The following RBM20 variants were observed in gnomAD, a reference collection of about 807,000 sequenced individuals.
RBM20 encodes the protein RNA-binding protein 20.
Under a neutral mutation model 110.1 loss-of-function variants are expected in RBM20, and 51 were observed. The ratio of observed to expected loss-of-function variants is 0.46; its 90% CI spans 0.37 to 0.59. RBM20 has a LOEUF of 0.59. Ranked by LOEUF, RBM20 falls within the 20% of genes least tolerant of loss-of-function variation. RBM20 has a pLI of 0.00. For missense variants in RBM20, 1,512 were observed against 1,574.9 expected, an observed-to-expected ratio of 0.96 and a Z score of 0.68; for synonymous variants, 589 against 618.2, an observed-to-expected ratio of 0.95 and a Z score of 0.70.
intron 7 of RBM20, among the ~76,000 whole-genome samples, chr10:110,807,526 C>G (rs7899485): frequency 0.41 from 62,445 of 152,086 alleles, 12,886 homozygotes; most frequent in Admixed American, 0.44. Context: ...TGATAACCAA[C>G]GTGCAGAAGG....
At chr10:110,784,145 T>G (rs1844389920) in intron 3 of RBM20, among the ~76,000 whole-genome samples, 196 bp from the exon 4 acceptor site, 1 of 152,266 alleles carries the variant, frequency 6.6e-6, no homozygotes, top group African/African-American at 2.4e-5. Flanking sequence ...CATTCATCTT[T>G]TGATGGACAT....
In RBM20 at chr10:110,781,572, C is replaced by T. The variant is rs1170831527; in HGVS notation, c.963C>T (p.Ser321=). ...AGGGCACAAACAGCCAATGGGAGAG[C>T]CCCCATGGATTCTCGGGCCAAAGCA... The part of the protein sequence containing the change: ...LLQGTNSQWE[S]PHGFSGQSKP... Residue 321 remains serine, a synonymous_variant, in exon 2 of 14, where the codon AGC becomes AGT. Transcript: ENST00000369519. 1 of 1,551,692 alleles carries T rather than the reference C, an allele frequency of 6.4e-7. No homozygotes were observed. The highest frequency in any genetic ancestry group is 2.4e-5 in the East Asian group (1 of 40,930).
intron 1 of RBM20, among the ~76,000 whole-genome samples, chr10:110,649,634 G>A (rs1215046552): frequency 2.6e-5 from 4 of 152,138 alleles, no homozygotes; most frequent in Non-Finnish European, 5.9e-5. Context: ...TTATTTAATT[G>A]GGGATGGTCT....
At chr10:110,782,220 C>A (rs1026550735) in intron 2 of RBM20, among the ~76,000 whole-genome samples, 1 of 152,168 alleles carries the variant, frequency 6.6e-6, no homozygotes, top group Admixed American at 6.5e-5. Flanking sequence ...GCTTCTCCCC[C>A]GTAGTATGCC....
chr10:110,651,015 A>G (rs1861938098), intron 1 of RBM20, among the ~76,000 whole-genome samples: 1 of 152,224 alleles, frequency 6.6e-6, no homozygotes, highest in Non-Finnish European at 1.5e-5. Context: ...CACAGAGGAA[A>G]AAACTCTGGA....
chr10:110,760,647 T>C (rs1843986209), intron 1 of RBM20, among the ~76,000 whole-genome samples: 1 of 150,434 alleles, frequency 6.6e-6, no homozygotes. Flanking sequence ...TTCAACATGT[T>C]GGTCAGACTG....
intron 7 of RBM20, among the ~76,000 whole-genome samples, chr10:110,804,847 A>T (rs1350805296): frequency 2.0e-5 from 3 of 152,202 alleles, no homozygotes; most frequent in African/African-American, 7.2e-5. Context: ...TCAGAGGGTC[A>T]TCAGGGGATT....
chr10:110,722,001 C>A (rs1843512505), intron 1 of RBM20, among the ~76,000 whole-genome samples: 1 of 152,106 alleles, frequency 6.6e-6, no homozygotes, highest in Non-Finnish European at 1.5e-5. Context: ...CCTGCTCCTT[C>A]TCCTTGTCTC....
In RBM20 at chr10:110,799,818, C is replaced by T; in HGVS notation, c.1700C>T (p.Ala567Val). 1 of 1,551,450 alleles carries T rather than the reference C, an allele frequency of 6.4e-7. No individual in the cohort carries two copies. Among genetic ancestry groups the T allele is most frequent in the Non-Finnish European group, 8.7e-7 (1 of 1,146,656 alleles). Residue 567 changes from alanine to valine, a missense_variant, in exon 7 of 14, where the codon GCA (alanine) becomes GTA (valine). Ala to Val is a moderately conservative substitution (Grantham distance 64). This residue lies in a region of RBM20 where 1,149 missense variants were observed against 1,169.4 expected (regional missense o/e 0.98). Coordinates refer to ENST00000369519, the MANE Select transcript of RBM20 (RefSeq NM_001134363.3). The part of the protein sequence containing the change: ...AFLEMAYTEA[A>V]QAMVQYYQEK... ...TTAGAGATGGCTTACACAGAAGCTG[C>T]ACAGGCCATGGTCCAGTATTATCAA...
intron 1 of RBM20, among the ~76,000 whole-genome samples, chr10:110,676,627 C>G (rs1053086772): frequency 6.6e-6 from 1 of 152,178 alleles, no homozygotes; most frequent in African/African-American, 2.4e-5. Flanking sequence ...CTTTATATTA[C>G]TTCATTCACA....
chr10:110,789,476 G>C (rs376109861), intron 5 of RBM20, among the ~76,000 whole-genome samples: 1 of 146,558 alleles, frequency 6.8e-6, no homozygotes, highest in African/African-American at 2.5e-5. Flanking sequence ...TTTATTTATC[G>C]AGACAGGGTC....
At position 110,713,065 on chromosome 10, in the gene RBM20, T is replaced by C. The variant is rs548572463; in HGVS notation, c.192-67736T>C. On this transcript the variant is annotated intron_variant, in intron 1 of 13. Transcript: ENST00000369519. Reference sequence around the variant, plus strand: ...GTGATGCTTCTTTTGTTCTGTCCACTCCCTCAGTGCTTGCTCTATTCTCCC... The same window carrying C: ...GTGATGCTTCTTTTGTTCTGTCCACCCCCTCAGTGCTTGCTCTATTCTCCC... Among the ~76,000 whole-genome samples, 435 of 152,320 alleles carry C rather than the reference T, an allele frequency of 2.9e-3. 1 individual carries two copies. Among genetic ancestry groups the C allele is most frequent in the Non-Finnish European group, 3.6e-3 (242 of 68,016 alleles).
intron 1 of RBM20, among the ~76,000 whole-genome samples, chr10:110,657,147 G>C (rs574671260): frequency 4.3e-4 from 66 of 152,066 alleles, no homozygotes; most frequent in South Asian, 8.3e-4. Context: ...CTCCCAAGTA[G>C]CTGGGACTAC....
intron 1 of RBM20, among the ~76,000 whole-genome samples, chr10:110,678,776 T>C (rs1325880370): frequency 6.6e-6 from 1 of 152,144 alleles, no homozygotes; most frequent in Non-Finnish European, 1.5e-5. Context: ...GTAGATTCAC[T>C]TCATATCTAA....
chr10:110,835,417 C>T (rs778960391), intron 13 of RBM20: 1 of 151,412 alleles, frequency 6.6e-6, no homozygotes, highest in Non-Finnish European at 1.5e-5. Context: ...TTCACAGCAA[C>T]CTCCGCCTCC....
intron 5 of RBM20, among the ~76,000 whole-genome samples, chr10:110,785,798 C>T (rs1263786723): frequency 6.6e-6 from 1 of 151,150 alleles, no homozygotes; most frequent in Non-Finnish European, 1.5e-5. Context: ...GCATTCAGCG[C>T]TGGCTTAGAA....
intron 1 of RBM20, among the ~76,000 whole-genome samples, chr10:110,702,223 A>G (rs1009520365): frequency 1.3e-5 from 2 of 152,176 alleles, no homozygotes; most frequent in African/African-American, 4.8e-5. Context: ...GAATTCAATC[A>G]TTCTGTTTAC....
At chr10:110,815,885 G>A (rs955795102) in intron 9 of RBM20, among the ~76,000 whole-genome samples, 3 of 152,120 alleles carry the variant, frequency 2.0e-5, no homozygotes, top group African/African-American at 7.2e-5. Flanking sequence ...GGGACTTACT[G>A]GGGCCCCTCA....
intron 1 of RBM20, among the ~76,000 whole-genome samples, chr10:110,703,139 G>T (rs1338153875): frequency 1.3e-5 from 2 of 151,624 alleles, no homozygotes; most frequent in East Asian, 3.9e-4. Flanking sequence ...CACTTTGGGA[G>T]GCCAAGGCGG....
Sources: allele counts gnomAD v4.1 joint callset (sites outside exome capture counted in the v4.1 genomes callset), GRCh38; gene constraint gnomAD v4.1.1; regional missense constraint gnomAD v4.1.1; transcripts MANE v1.5; gene names NCBI Gene and HGNC (gene_info 2026-07-23, HGNC 2026-07-21).